SOX5: variants seen among roughly 807,000 people sequenced by gnomAD.
SOX5 encodes transcription factor SOX-5.
A neutral mutation model predicts 92.0 loss-of-function variants in SOX5; 9 were observed. The observed-to-expected ratio is 0.10, with a 90% CI of 0.06 to 0.17. SOX5 has a LOEUF of 0.17. Ranked by LOEUF, SOX5 falls within the 10% of genes least tolerant of loss-of-function variation. The probability of loss-of-function intolerance (pLI) is 1.00; values close to 1 mark genes in which losing one functional copy is unlikely to be tolerated. For synonymous variants in SOX5, 344 were observed against 336.3 expected, an observed-to-expected ratio of 1.02 and a Z score of -0.25; for missense variants, 642 against 944.5, an observed-to-expected ratio of 0.68 and a Z score of 4.20.
chr12:23,730,966 T>C (rs2093368339), intron 6 of SOX5, among the ~76,000 whole-genome samples: 1 of 152,118 alleles, frequency 6.6e-6, no homozygotes, highest in Non-Finnish European at 1.5e-5. Context: ...AGCACGTGAG[T>C]CTAAGTGGCC....
intron 7 of SOX5, among the ~76,000 whole-genome samples, chr12:23,642,325 T>C (rs1199083439): frequency 1.3e-5 from 2 of 152,200 alleles, no homozygotes; most frequent in Non-Finnish European, 2.9e-5. Context: ...GATAATTAAA[T>C]GATTAGTATA....
At chr12:24,200,451 A>G (rs952750862) in intron 4 of SOX5, among the ~76,000 whole-genome samples, 3 of 152,132 alleles carry the variant, frequency 2.0e-5, no homozygotes, top group African/African-American at 7.2e-5. Flanking sequence ...GTGCATATAC[A>G]TGAATGATAA....
intron 1 of SOX5, among the ~76,000 whole-genome samples, chr12:24,452,662 G>A (rs1263751340): frequency 6.6e-6 from 1 of 152,156 alleles, no homozygotes; most frequent in Non-Finnish European, 1.5e-5. Flanking sequence ...TTAGCTATAA[G>A]AGAAATTGAT....
At chr12:24,274,597 G>A (rs1944197771) in intron 3 of SOX5, among the ~76,000 whole-genome samples, 1 of 151,250 alleles carries the variant, frequency 6.6e-6, no homozygotes, top group South Asian at 2.1e-4. Context: ...TGTCTCCAAC[G>A]TCTATGCTTC....
chr12:24,244,399 C>G (rs1452798970), intron 3 of SOX5, among the ~76,000 whole-genome samples: 1 of 152,212 alleles, frequency 6.6e-6, no homozygotes, highest in African/African-American at 2.4e-5. Context: ...TTCTTTCAGC[C>G]CCTCCTACTG....
intron 2 of SOX5, among the ~76,000 whole-genome samples, chr12:24,286,036 C>T (rs1740914464): frequency 6.6e-6 from 1 of 152,074 alleles, no homozygotes; most frequent in African/African-American, 2.4e-5. Context: ...TGGACTTAAT[C>T]CACAAGCTGA....
At position 23,755,691 on chromosome 12, in the gene SOX5, T is replaced by C. The variant is rs1375999212; in HGVS notation, c.515A>G (p.Asp172Gly). 3 of 1,588,864 alleles carry C rather than the reference T, an allele frequency of 1.9e-6. No individual in the cohort carries two copies. In the Admixed American group the frequency reaches 5.4e-5, roughly 29 times the overall value. The change falls in exon 4 of 15, where the codon GAC becomes GGC. Residue 172 changes from aspartate (D) to glycine (G), a missense_variant. By Grantham distance (94) the Asp-to-Gly change is moderately conservative. Around this residue, in one of 8 missense-constraint regions of SOX5, gnomAD observed 324 missense variants for 461.6 expected, o/e 0.70. Coordinates refer to ENST00000451604, the MANE Select transcript of SOX5 (RefSeq NM_006940.6). ...CATTGCAAGAAGCTTGTCTTTCCAG[T>C]CCTTTGAGAGTAGTTTTTCAATACT... ...TPSIEKLLSK[D>G]WKDKLLAMGS... is the part of the protein sequence containing the mutation.
At chr12:23,603,451 T>TATATATATATATATAAA (rs1294141418) in intron 9 of SOX5, among the ~76,000 whole-genome samples, 1 of 144,460 alleles carries the variant, frequency 6.9e-6, no homozygotes. Context: ...ATAAAATATA[T>TATATATATATATATAAA]ATATATATAT....
At chr12:23,869,801 A>G (rs1211568102) in intron 2 of SOX5, among the ~76,000 whole-genome samples, 4 of 152,114 alleles carry the variant, frequency 2.6e-5, no homozygotes, top group African/African-American at 9.7e-5. Flanking sequence ...TCTGTCAGAA[A>G]GTATTGTTCT....
intron 6 of SOX5, among the ~76,000 whole-genome samples, chr12:23,681,617 T>C (rs560236066): frequency 2.0e-5 from 3 of 151,756 alleles, no homozygotes; most frequent in African/African-American, 7.2e-5. Flanking sequence ...TTAGACAAAA[T>C]AGACTTTAAC....
At chr12:23,959,603 T>C (rs768118508) in intron 4 of SOX5, among the ~76,000 whole-genome samples, 3 of 152,050 alleles carry the variant, frequency 2.0e-5, no homozygotes, top group Middle Eastern at 3.2e-3. Flanking sequence ...AAAAGGCATC[T>C]ATAGAAATAA....
chr12:24,434,369 G>C (rs921864986), intron 1 of SOX5, among the ~76,000 whole-genome samples: 1 of 152,172 alleles, frequency 6.6e-6, no homozygotes, highest in Admixed American at 6.5e-5. Flanking sequence ...CTGCCTGGGA[G>C]AGAAGCTTCT....
intron 1 of SOX5, among the ~76,000 whole-genome samples, chr12:24,440,642 A>T (rs1479955722): frequency 9.0e-6 from 1 of 110,892 alleles, no homozygotes; most frequent in Admixed American, 9.1e-5. Context: ...GTGTGTGTGA[A>T]GAACAGAAGA....
chr12:24,317,719 G>A (rs891651599), intron 2 of SOX5, among the ~76,000 whole-genome samples: 6 of 152,080 alleles, frequency 3.9e-5, no homozygotes, highest in Non-Finnish European at 5.9e-5. Flanking sequence ...CATTCAGGCC[G>A]TTACACCTTC....
At chr12:23,787,391 C>T (rs894637021) in intron 3 of SOX5, among the ~76,000 whole-genome samples, 4 of 151,918 alleles carry the variant, frequency 2.6e-5, no homozygotes, top group African/African-American at 7.2e-5. Context: ...TTTCCATTTT[C>T]AATTCCTTTG....
At chr12:24,405,165 G>A (rs978943081) in intron 1 of SOX5, among the ~76,000 whole-genome samples, 8 of 152,092 alleles carry the variant, frequency 5.3e-5, no homozygotes, top group Non-Finnish European at 8.8e-5. Flanking sequence ...TACTATGGAA[G>A]CTCTAGCAAA....
chr12:24,524,303 C>A (rs1384476084), intron 1 of SOX5, among the ~76,000 whole-genome samples: 2 of 152,174 alleles, frequency 1.3e-5, no homozygotes, highest in African/African-American at 2.4e-5. Context: ...TCTCATCCTC[C>A]ATACCCATGA....
chr12:24,343,586 C>T (rs1952828582), intron 2 of SOX5, among the ~76,000 whole-genome samples: 1 of 152,050 alleles, frequency 6.6e-6, no homozygotes. Context: ...ATCACGCAGT[C>T]TTATGTCTTT....
chr12:24,428,470 T>C (rs4488295), intron 1 of SOX5, among the ~76,000 whole-genome samples: 92,654 of 151,794 alleles, frequency 0.61, 28,800 homozygotes, highest in East Asian at 0.98. Flanking sequence ...ATTTACATTT[T>C]TCTTTTAAAA....
Sources: gnomAD v4.1 joint callset for allele counts (sites outside exome capture counted in the v4.1 genomes callset) on GRCh38, gnomAD v4.1.1 for gene constraint, gnomAD v4.1.1 regional missense constraint, MANE v1.5 for transcripts, NCBI Gene and HGNC (gene_info 2026-07-23, HGNC 2026-07-21) for gene names.